SPAG6: variants seen among roughly 807,000 people sequenced by gnomAD.
SPAG6 encodes sperm associated antigen 6.
A neutral mutation model predicts 58.5 loss-of-function variants in SPAG6; 49 were observed. That is an observed-to-expected ratio of 0.84 (90% CI 0.67 to 1.06). The LOEUF (loss-of-function observed/expected upper bound fraction) is 1.06. SPAG6 is among the 50% of genes least tolerant of loss of function. The pLI is 0.00. For synonymous variants in SPAG6, 233 were observed against 225.6 expected (o/e 1.03, Z -0.29); for missense variants, 560 against 611.3 (o/e 0.92, Z 0.89).
intron 4 of SPAG6, among the ~76,000 whole-genome samples, chr10:22,371,069 C>G (rs1227979932): frequency 6.6e-6 from 1 of 152,216 alleles, no homozygotes; most frequent in East Asian, 1.9e-4. Context: ...TATAATCTGG[C>G]TCCCACATGG....
intron 10 of SPAG6, chr10:22,412,945 T>C (rs1020939068): frequency 6.6e-6 from 1 of 152,374 alleles, no homozygotes; most frequent in South Asian, 2.1e-4. Context: ...TTAAAATCTT[T>C]TTTGAAGAAA....
chr10:22,389,452 G>A, intron 7 of SPAG6, 140 bp downstream of exon 7: 2 of 761,902 alleles, frequency 2.6e-6, no homozygotes, highest in Non-Finnish European at 4.2e-6. Flanking sequence ...TTGTTTCAAT[G>A]CTTATTAGCA....
intron 2 of SPAG6, among the ~76,000 whole-genome samples, chr10:22,347,112 A>G (rs1300498985): frequency 1.3e-5 from 2 of 152,126 alleles, no homozygotes; most frequent in Non-Finnish European, 2.9e-5. Context: ...CAAGATACAG[A>G]ACACTTTCAT....
intron 2 of SPAG6, among the ~76,000 whole-genome samples, chr10:22,353,906 C>T (rs185361356): frequency 1.3e-5 from 2 of 152,130 alleles, no homozygotes; most frequent in Admixed American, 6.5e-5. Context: ...GTAGAGGGAA[C>T]GTTATGTGTA....
intron 10 of SPAG6, among the ~76,000 whole-genome samples, chr10:22,411,838 A>ATTTTTTTTTTT (rs1283503992): frequency 3.8e-5 from 5 of 132,710 alleles, no homozygotes; most frequent in African/African-American, 1.7e-4. Context: ...AAACAACTGA[A>ATTTTTTTTTTT]TCTTTTTTTT....
chr10:22,387,886 G>T lies in SPAG6; in HGVS notation c.742G>T (p.Val248Phe). The T allele has an allele frequency of 6.2e-7, 1 of 1,613,498 alleles. No homozygotes were observed. ...KHSVDLAEMV[V>F]EAEIFPVVLT... ...TTCCGTGGATCTGGCAGAAATGGTT[G>T]TTGAAGCAGAGATTTTTCCAGTTGT... Residue 248 changes from valine (V) to phenylalanine (F), a missense_variant, in exon 6 of 11, where the codon GTT becomes TTT. Coordinates refer to ENST00000376624, the MANE Select transcript of SPAG6 (RefSeq NM_012443.4).
chr10:22,374,170 G>A (rs1833766210), intron 4 of SPAG6, among the ~76,000 whole-genome samples: 1 of 152,042 alleles, frequency 6.6e-6, no homozygotes. Context: ...AGATTCCTAA[G>A]TTACTCATGC....
At chr10:22,405,451 A>G (rs373226133) in intron 9 of SPAG6, among the ~76,000 whole-genome samples, 26 of 150,076 alleles carry the variant, frequency 1.7e-4, no homozygotes, top group South Asian at 4.3e-4. Flanking sequence ...ATTGATTTGC[A>G]TATATTGAAC....
intron 4 of SPAG6, among the ~76,000 whole-genome samples, chr10:22,381,263 A>G (rs1833949393): frequency 2.0e-5 from 3 of 152,010 alleles, no homozygotes; most frequent in Admixed American, 1.3e-4. Context: ...GGGGTGGTTC[A>G]GGCCGTAGCA....
chr10:22,358,681 C>T (rs1448777550), intron 2 of SPAG6, among the ~76,000 whole-genome samples: 2 of 151,742 alleles, frequency 1.3e-5, no homozygotes, highest in East Asian at 3.9e-4. Flanking sequence ...AATGGTAATG[C>T]CTAGGTTTTC....
chr10:22,405,057 A>T (rs1834516247), intron 9 of SPAG6, among the ~76,000 whole-genome samples: 1 of 152,222 alleles, frequency 6.6e-6, no homozygotes, highest in African/African-American at 2.4e-5. Context: ...GGGGTTTTCT[A>T]GATATACAAT....
intron 8 of SPAG6, among the ~76,000 whole-genome samples, chr10:22,399,110 C>T (rs772818211): frequency 1.7e-4 from 26 of 152,134 alleles, no homozygotes; most frequent in Admixed American, 1.3e-3. Flanking sequence ...TGAGCCACCG[C>T]GCCTGGCTGA....
chr10:22,372,762 T>TA (rs55634830), intron 4 of SPAG6, among the ~76,000 whole-genome samples: 4,636 of 126,832 alleles, frequency 0.037, 82 homozygotes, highest in Non-Finnish European at 0.041. Flanking sequence ...GAGCTTTAGC[T>TA]AAAAAAAAAA....
intron 7 of SPAG6, among the ~76,000 whole-genome samples, chr10:22,390,403 G>A (rs1419196911): frequency 6.6e-6 from 1 of 152,220 alleles, no homozygotes; most frequent in Admixed American, 6.5e-5. Context: ...TTGGTCTAAG[G>A]TTGCTGCTGG....
rs548522490 is a variant in SPAG6 at position 22,370,826 on chromosome 10, TC to T, written c.472+2149del. ...AGGGTTTTCAATCAAAAGCTGGTTATCATGGGAAACTACATGAGTATATTTA... is the reference window on the plus strand; with the variant it reads ...AGGGTTTTCAATCAAAAGCTGGTTATATGGGAAACTACATGAGTATATTTA... On this transcript the variant is annotated intron_variant, in intron 4 of 10. Coordinates refer to ENST00000376624, the MANE Select transcript of SPAG6 (RefSeq NM_012443.4). Among the ~76,000 whole-genome samples the T allele has an allele frequency of 3.5e-3, 527 of 152,346 alleles. 2 individuals carry two copies. The highest frequency in any genetic ancestry group is 0.012 in the African/African-American group (511 of 41,572).
At chr10:22,411,864 T>G (rs1035735881) in intron 10 of SPAG6, among the ~76,000 whole-genome samples, 77 of 133,578 alleles carry the variant, frequency 5.8e-4, no homozygotes, top group African/African-American at 2.7e-3. Flanking sequence ...TTTTTTTTTT[T>G]TTGAGACAGA....
rs112477722 is a variant in SPAG6 at position 22,369,032 on chromosome 10, A to T, written c.472+354A>T. Among the ~76,000 whole-genome samples the T allele has an allele frequency of 4.4e-3, 665 of 152,222 alleles. 1 individual carries two copies. Among genetic ancestry groups the T allele is most frequent in the Non-Finnish European group, 7.6e-3 (520 of 68,032 alleles). ...TTTGCCATTAATGGCAAAAACCCCA[A>T]TTACTTTTGCATTAACCTAATAAAT... On this transcript the variant is annotated intron_variant, in intron 4 of 10. Transcript: ENST00000376624.
chr10:22,409,049 T>G (rs754918846), intron 9 of SPAG6, among the ~76,000 whole-genome samples: 1 of 152,086 alleles, frequency 6.6e-6, no homozygotes, highest in African/African-American at 2.4e-5. Flanking sequence ...GAGATGAACC[T>G]GGTACCTCAG....
At position 22,389,157 on chromosome 10, in the gene SPAG6, T is replaced by C; in HGVS notation, c.853-3T>C. On this transcript the variant is annotated splice_polypyrimidine_tract_variant and splice_region_variant and intron_variant, in intron 6 of 10. Coordinates refer to ENST00000376624, the MANE Select transcript of SPAG6 (RefSeq NM_012443.4). ...TGATCTAACTCTTGTTCCCATCGCTTAGCTTTCACAGCTGGTAGTTAACGC... is the reference window on the plus strand; with the variant it reads ...TGATCTAACTCTTGTTCCCATCGCTCAGCTTTCACAGCTGGTAGTTAACGC... The C allele has an allele frequency of 6.2e-7, 1 of 1,612,924 alleles. No homozygotes were observed. Among genetic ancestry groups the C allele is most frequent in the East Asian group, 2.2e-5 (1 of 44,858 alleles).
Sources: allele counts gnomAD v4.1 joint callset (sites outside exome capture counted in the v4.1 genomes callset), GRCh38; gene constraint gnomAD v4.1.1; transcripts MANE v1.5; gene names NCBI Gene and HGNC (gene_info 2026-07-23, HGNC 2026-07-21).